CNTNAP3B: variants seen among roughly 807,000 people sequenced by gnomAD.
CNTNAP3B encodes the protein contactin-associated protein-like 3B.
CNTNAP3B carries 25 observed loss-of-function variants against 108.9 expected under a neutral mutation model. The observed-to-expected ratio is 0.23, with a 90% CI of 0.17 to 0.32. CNTNAP3B has a LOEUF of 0.32. Ranked by LOEUF, CNTNAP3B falls within the 10% of genes least tolerant of loss-of-function variation. The pLI, the probability that CNTNAP3B is intolerant of heterozygous loss-of-function variation, is 1.00. For missense variants in CNTNAP3B, 252 were observed against 1,210.4 expected, an observed-to-expected ratio of 0.21 and a Z score of 11.75; for synonymous variants, 103 against 473.4, an observed-to-expected ratio of 0.22 and a Z score of 10.16.
intron 2 of CNTNAP3B, among the ~76,000 whole-genome samples, chr9:42,082,791 A>G (rs1827628881): frequency 7.2e-6 from 1 of 139,796 alleles, no homozygotes; most frequent in Non-Finnish European, 1.5e-5. Context: ...GAAAATGGAC[A>G]AAGAATAAAC....
At chr9:41,986,468 A>T (rs556536347) in intron 8 of CNTNAP3B, among the ~76,000 whole-genome samples, 157 bp from the exon 9 acceptor site, 1 of 144,866 alleles carries the variant, frequency 6.9e-6, no homozygotes, top group Admixed American at 6.9e-5. Context: ...TCTTTAATTT[A>T]AAAATTTCAT....
chr9:42,116,834 C>T (rs1237643495), intron 1 of CNTNAP3B, among the ~76,000 whole-genome samples: 1 of 136,380 alleles, frequency 7.3e-6, no homozygotes, highest in Non-Finnish European at 1.6e-5. Context: ...GGAAGGTCTG[C>T]CAAGCAAAGG....
intron 13 of CNTNAP3B, among the ~76,000 whole-genome samples, chr9:41,950,610 G>A (rs1269104563): frequency 6.8e-6 from 1 of 148,044 alleles, no homozygotes; most frequent in Non-Finnish European, 1.5e-5. Flanking sequence ...GGATTACACA[G>A]AGTGAAAAAA....
At chr9:41,927,960 C>T (rs1823865273) in intron 15 of CNTNAP3B, among the ~76,000 whole-genome samples, 1 of 128,594 alleles carries the variant, frequency 7.8e-6, no homozygotes, top group Non-Finnish European at 1.7e-5. Context: ...CCAAATGAAA[C>T]AAAGTATTCA....
chr9:41,952,033 C>T (rs1824702980), intron 13 of CNTNAP3B, among the ~76,000 whole-genome samples: 2 of 152,248 alleles, frequency 1.3e-5, no homozygotes, highest in South Asian at 4.1e-4. Flanking sequence ...GAGCAAAGAT[C>T]GTGCCACTGC....
At chr9:42,109,403 A>G (rs1368048166) in intron 1 of CNTNAP3B, among the ~76,000 whole-genome samples, 3 of 147,632 alleles carry the variant, frequency 2.0e-5, no homozygotes, top group Non-Finnish European at 3.0e-5. Flanking sequence ...ATGCATTTTC[A>G]AACAGCAATT....
chr9:42,118,695 G>T (rs1828380892), intron 1 of CNTNAP3B, among the ~76,000 whole-genome samples: 1 of 112,810 alleles, frequency 8.9e-6, no homozygotes, highest in South Asian at 2.9e-4. Context: ...GCAGGAGAAG[G>T]AAATAAAGGG....
intron 13 of CNTNAP3B, among the ~76,000 whole-genome samples, chr9:41,942,054 T>C (rs1824363476): frequency 6.6e-6 from 1 of 152,300 alleles, no homozygotes; most frequent in Non-Finnish European, 1.5e-5. Flanking sequence ...GGAATGGAAA[T>C]ACCCAGAACC....
chr9:41,943,553 C>G (rs1318440506), intron 13 of CNTNAP3B, among the ~76,000 whole-genome samples: 3 of 151,560 alleles, frequency 2.0e-5, no homozygotes, highest in Non-Finnish European at 4.4e-5. Context: ...GTGGTTTCCC[C>G]GTGGTAGCCA....
chr9:42,012,975 C>G (rs1208519269), intron 4 of CNTNAP3B, among the ~76,000 whole-genome samples: 1 of 94,592 alleles, frequency 1.1e-5, no homozygotes, highest in Non-Finnish European at 2.2e-5. Flanking sequence ...CAAGAGATTG[C>G]GAGAAATCAC....
intron 2 of CNTNAP3B, among the ~76,000 whole-genome samples, chr9:42,096,216 C>A (rs1587268783): frequency 1.4e-5 from 2 of 139,352 alleles, no homozygotes; most frequent in South Asian, 4.6e-4. Flanking sequence ...AGTGCCCACT[C>A]AGATCCCTGA....
intron 2 of CNTNAP3B, among the ~76,000 whole-genome samples, chr9:42,086,691 C>T (rs1353643617): frequency 9.2e-6 from 1 of 108,544 alleles, no homozygotes; most frequent in East Asian, 2.7e-4. Flanking sequence ...GTAATCCACC[C>T]ACCTCGCCCT....
rs1272913238 is a variant in CNTNAP3B at position 42,100,257 on chromosome 9, C to T, written c.196+4372G>A. ...GAAAACTCAAGTGGGGAGGGAAATC[C>T]TAAAACTCACTAGGTGACACAATAC... On this transcript the variant is annotated intron_variant, in intron 2 of 23. Transcript: ENST00000377561. 2.5e-5 allele frequency among the ~76,000 whole-genome samples: 2 copies of T among 79,586 alleles called. 1 individual carries two copies. The highest frequency in any genetic ancestry group is 5.3e-5 in the Non-Finnish European group (2 of 37,806). The allele number at this position is 79,586 out of a possible 152,430, so 52.2% of individuals were successfully genotyped here.
chr9:41,958,877 CTG>C (rs1448579110), intron 12 of CNTNAP3B, among the ~76,000 whole-genome samples: 1 of 140,114 alleles, frequency 7.1e-6, no homozygotes, highest in Non-Finnish European at 1.5e-5. Flanking sequence ...CCAACATTCA[CTG>C]TGAGAACCCA....
chr9:42,026,788 T>C (rs1268594265), intron 3 of CNTNAP3B, among the ~76,000 whole-genome samples: 1 of 136,624 alleles, frequency 7.3e-6, no homozygotes, highest in Non-Finnish European at 1.6e-5. Context: ...GTATTACACA[T>C]TTTGCTCAAT....
At position 42,026,543 on chromosome 9, in the gene CNTNAP3B, C is replaced by A. The variant is rs1392172954; in HGVS notation, c.391-13018G>T. Among the ~76,000 whole-genome samples, 3 of 94,558 alleles carry A rather than the reference C, an allele frequency of 3.2e-5. 1 individual carries two copies. The highest frequency in any genetic ancestry group is 1.2e-4 in the African/African-American group (3 of 24,272). The allele number at this position is 94,558 out of a possible 152,430, so 62.0% of individuals were successfully genotyped here. On this transcript the variant is annotated intron_variant, in intron 3 of 23. Transcript: ENST00000377561. ...CGGAGCTTGCAGCGAGCCCAGATGG[C>A]TCCACGGCACGGCACTCCAGCCCGG... is the stretch of plus-strand genomic sequence containing the variant.
intron 12 of CNTNAP3B, among the ~76,000 whole-genome samples, chr9:41,958,616 G>T (rs1824952162): frequency 6.6e-6 from 1 of 151,880 alleles, no homozygotes; most frequent in Non-Finnish European, 1.5e-5. Flanking sequence ...GAGCTTCTCA[G>T]CCCTCCCTCC....
intron 1 of CNTNAP3B, among the ~76,000 whole-genome samples, chr9:42,109,458 G>GCATGGATAA (rs1828145802): frequency 6.8e-6 from 1 of 147,128 alleles, no homozygotes; most frequent in Admixed American, 6.7e-5. Flanking sequence ...AAAAAAGAAT[G>GCATGGATAA]CATGGATAAT....
chr9:42,041,336 CATCTGACAAAGGGCTAAT>C, intron 3 of CNTNAP3B, among the ~76,000 whole-genome samples: 2 of 149,996 alleles, frequency 1.3e-5, no homozygotes, highest in Non-Finnish European at 3.0e-5. Context: ...GCAATCTACC[CATCTGACAAAGGGCTAAT>C]ATCCAGAATC....
Sources: gnomAD v4.1 joint callset for allele counts (sites outside exome capture counted in the v4.1 genomes callset) on GRCh38, gnomAD v4.1.1 for gene constraint, MANE v1.5 for transcripts, NCBI Gene and HGNC (gene_info 2026-07-23, HGNC 2026-07-21) for gene names.